Variants in P4HA3 observed in about 807,000 individuals in gnomAD.
The protein encoded by P4HA3 is prolyl 4-hydroxylase subunit alpha-3.
P4HA3 carries 60 observed loss-of-function variants against 66.7 expected under a neutral mutation model. The observed-to-expected ratio is 0.90, with a 90% CI of 0.73 to 1.12. The LOEUF (loss-of-function observed/expected upper bound fraction) is 1.12. Among genes scored for constraint, P4HA3 ranks in the 50% most tolerant of loss-of-function variants. The pLI is 0.00. For missense variants in P4HA3, 683 were observed against 685.8 expected (o/e 1.00, Z 0.05); for synonymous variants, 263 against 274.6 (o/e 0.96, Z 0.42).
Position 74,285,989 on chromosome 11 carries a change from G to A in P4HA3, c.934-4C>T, listed in dbSNP as rs762863242. 6.2e-7 allele frequency: 1 copy of A among 1,601,524 alleles called. No individual in the cohort carries two copies. Among genetic ancestry groups the A allele is most frequent in the Non-Finnish European group, 8.6e-7 (1 of 1,168,812 alleles). On this transcript the variant is annotated splice_region_variant and splice_polypyrimidine_tract_variant and intron_variant, in intron 6 of 12. Coordinates refer to ENST00000331597, the MANE Select transcript of P4HA3 (RefSeq NM_182904.5). ...TAGGGATCTGGTAGAGAGTGGGCTG[G>A]AAGGAAAGAATAGGATGAGCATAAG...
chr11:74,262,045 G>A (rs1038316009), downstream of P4HA3, among the ~76,000 whole-genome samples: 2 of 152,170 alleles, frequency 1.3e-5, no homozygotes, highest in African/African-American at 2.4e-5. Flanking sequence ...AGATGAACAG[G>A]AGACATGGTG....
At chr11:74,256,641 A>G (rs1199669230) in intron 15 of P4HA3, among the ~76,000 whole-genome samples, 1 of 152,208 alleles carries the variant, frequency 6.6e-6, no homozygotes, top group Non-Finnish European at 1.5e-5. Context: ...GTATGAACTC[A>G]GGAAGGGAAT....
chr11:74,306,139 G>T (rs964757299), intron 1 of P4HA3, among the ~76,000 whole-genome samples: 1 of 152,124 alleles, frequency 6.6e-6, no homozygotes, highest in Non-Finnish European at 1.5e-5. Flanking sequence ...GAATGGACTG[G>T]GTTCAAGGAA....
chr11:74,260,148 G>A (rs471539), intron 14 of P4HA3: 33,633 of 152,184 alleles, frequency 0.22, 4,093 homozygotes, highest in Non-Finnish European at 0.28. Flanking sequence ...TGCAAATGTG[G>A]AGGGAGAAGG....
chr11:74,260,774 A>G (rs1859894347), intron 14 of P4HA3, among the ~76,000 whole-genome samples: 1 of 152,186 alleles, frequency 6.6e-6, no homozygotes, highest in African/African-American at 2.4e-5. Flanking sequence ...GAGTTGGACA[A>G]ATGTTAATCT....
chr11:74,292,367 T>A (rs1341433364), intron 4 of P4HA3, among the ~76,000 whole-genome samples: 1 of 152,248 alleles, frequency 6.6e-6, no homozygotes, highest in Non-Finnish European at 1.5e-5. Flanking sequence ...TAGCGGTCTA[T>A]CAATTTTGTT....
At position 74,266,997 on chromosome 11, in the gene P4HA3, C is replaced by T. The variant is rs574815628; in HGVS notation, c.*251G>A. 21 of 1,488,232 alleles carry T rather than the reference C, an allele frequency of 1.4e-5. No individual in the cohort carries two copies. The Admixed American group carries it at 3.6e-4, about 25-fold the overall frequency. The allele number at this position is 1,488,232 out of a possible 1,614,324, so 92.2% of individuals were successfully genotyped here. A position where few individuals can be genotyped will look rare whatever the true frequency, so the allele number is the denominator to read the frequency against. On this transcript the variant is annotated 3_prime_UTR_variant, in exon 13 of 13. Transcript: ENST00000331597. ...ATCTGAACTCCAGAAACTTCCCTCT[C>T]AGGCCTCCACTCCCCCCTCCTTTGT...
At chr11:74,271,236 C>T (rs1241874050) in intron 10 of P4HA3, among the ~76,000 whole-genome samples, 1 of 152,208 alleles carries the variant, frequency 6.6e-6, no homozygotes, top group African/African-American at 2.4e-5. Context: ...TTGGCTCTCC[C>T]TGTAGCACAC....
intron 3 of P4HA3, among the ~76,000 whole-genome samples, chr11:74,299,902 A>T (rs1366396514): frequency 1.3e-5 from 2 of 152,184 alleles, no homozygotes; most frequent in Non-Finnish European, 2.9e-5. Context: ...ACCCTCATGA[A>T]ACTGGATTCT....
chr11:74,265,143 C>T (rs571309579), downstream of P4HA3, among the ~76,000 whole-genome samples: 1 of 152,310 alleles, frequency 6.6e-6, no homozygotes, highest in East Asian at 1.9e-4. Flanking sequence ...TTAGCTCAGA[C>T]CCATCCTGTA....
chr11:74,265,512 C>T (rs1214043315), downstream of P4HA3, among the ~76,000 whole-genome samples: 1 of 152,214 alleles, frequency 6.6e-6, no homozygotes, highest in Non-Finnish European at 1.5e-5. Context: ...GCAATACATG[C>T]CCACAGCCCT....
rs1861509824 is a variant in P4HA3, at chr11:74,304,305, A to G, written c.308T>C (p.Val103Ala). Residue 103 changes from valine to alanine, a missense_variant, in exon 2 of 13, where the codon GTG becomes GCG. Physicochemically the swap from Val to Ala is moderately conservative, Grantham distance 64. Transcript: ENST00000331597. Reference sequence around the variant, plus strand: ...CTCACTGGCCTCCAGACTATGTACCACATTCCTCCAGTCAGACTGCAGGCG... The same window carrying G: ...CTCACTGGCCTCCAGACTATGTACCGCATTCCTCCAGTCAGACTGCAGGCG... Reference protein sequence around the residue: ...IKRLQSDWRNVVHSLEASENI... With the variant: ...IKRLQSDWRNAVHSLEASENI... 1.2e-6 allele frequency: 2 copies of G among 1,613,910 alleles called. No individual in the cohort carries two copies. Among genetic ancestry groups the G allele is most frequent in the Admixed American group, 1.7e-5 (1 of 59,986 alleles).
At chr11:74,306,515 A>G (rs1201034815) in intron 1 of P4HA3, among the ~76,000 whole-genome samples, 1 of 152,234 alleles carries the variant, frequency 6.6e-6, no homozygotes, top group Non-Finnish European at 1.5e-5. Context: ...GAATGGAAGT[A>G]GAAGAAAAAA....
chr11:74,284,687 G>A (rs1860726001), intron 7 of P4HA3, among the ~76,000 whole-genome samples: 1 of 152,116 alleles, frequency 6.6e-6, no homozygotes. Flanking sequence ...GGCATGCACA[G>A]ACCTTGGCAC....
At chr11:74,303,746 G>A (rs373671645) in intron 2 of P4HA3, among the ~76,000 whole-genome samples, 2 of 151,722 alleles carry the variant, frequency 1.3e-5, no homozygotes, top group Non-Finnish European at 2.9e-5. Context: ...ACGACTCCCC[G>A]GTAATTTTTG....
At chr11:74,310,328 G>A (rs998284539) in intron 1 of P4HA3, among the ~76,000 whole-genome samples, 2 of 152,216 alleles carry the variant, frequency 1.3e-5, no homozygotes, top group Non-Finnish European at 2.9e-5. Context: ...TTATGCCACA[G>A]TGTGTAGCAC....
At chr11:74,289,217 AGAT>A in intron 4 of P4HA3, 87 bp from the exon 5 acceptor site, 10 of 1,163,588 alleles carry the variant, frequency 8.6e-6, no homozygotes, top group East Asian at 2.7e-5. Flanking sequence ...AAAAAAAAAA[AGAT>A]AAAATATTCT....
chr11:74,261,065 A>C (rs1304495626), intron 14 of P4HA3, among the ~76,000 whole-genome samples: 2 of 152,154 alleles, frequency 1.3e-5, no homozygotes, highest in African/African-American at 4.8e-5. Context: ...TTGTACCCGC[A>C]TTCAGGGGTT....
rs138280164 is a variant in P4HA3 at position 74,275,992 on chromosome 11, C to T, written c.1335+993G>A. On this transcript the variant is annotated intron_variant, in intron 9 of 12. Coordinates refer to ENST00000331597, the MANE Select transcript of P4HA3 (RefSeq NM_182904.5). Reference sequence around the variant, plus strand: ...AGCCATAAAAAGAATGAAATAATTTCCTCTGCAGCAACATGGATGGAGCTG... The same window carrying T: ...AGCCATAAAAAGAATGAAATAATTTTCTCTGCAGCAACATGGATGGAGCTG... 9.7e-3 allele frequency among the ~76,000 whole-genome samples: 1,479 copies of T among 152,222 alleles called. 6 individuals are homozygous for T. Among genetic ancestry groups the T allele is most frequent in the Non-Finnish European group, 0.014 (955 of 68,002 alleles).
Sources: allele counts gnomAD v4.1 joint callset (sites outside exome capture counted in the v4.1 genomes callset), GRCh38; gene constraint gnomAD v4.1.1; transcripts MANE v1.5; gene names NCBI Gene and HGNC (gene_info 2026-07-23, HGNC 2026-07-21).